Variants in TNRC6B observed in about 807,000 individuals in gnomAD.
The protein encoded by TNRC6B is trinucleotide repeat-containing gene 6B protein.
Under a neutral mutation model 203.6 loss-of-function variants are expected in TNRC6B, and 52 were observed. The observed-to-expected ratio is 0.26, with a 90% CI of 0.20 to 0.32. The LOEUF (loss-of-function observed/expected upper bound fraction) is 0.32. Among genes scored for constraint, TNRC6B ranks in the 10% least tolerant of loss-of-function variants. TNRC6B has a pLI of 1.00. For missense variants in TNRC6B, 1,923 were observed against 2,286.2 expected (o/e 0.84, Z 3.24); for synonymous variants, 838 against 845.7 (o/e 0.99, Z 0.16).
chr22:40,290,017 C>G (rs1020305095), intron 12 of TNRC6B, among the ~76,000 whole-genome samples: 10 of 152,198 alleles, frequency 6.6e-5, no homozygotes, highest in Non-Finnish European at 1.3e-4. Context: ...TTACCACTTT[C>G]AACAGCACAG....
chr22:40,275,276 T>C (rs1231409516), intron 7 of TNRC6B, among the ~76,000 whole-genome samples: 1 of 152,236 alleles, frequency 6.6e-6, no homozygotes, highest in Non-Finnish European at 1.5e-5. Context: ...TAGTGTGATT[T>C]TGGCTTTCTT....
At chr22:40,061,770 C>T (rs909551263) in intron 1 of TNRC6B, among the ~76,000 whole-genome samples, 5 of 151,968 alleles carry the variant, frequency 3.3e-5, no homozygotes, top group Non-Finnish European at 7.4e-5. Context: ...GTATCACTTT[C>T]GTTATAAGAA....
intron 1 of TNRC6B, among the ~76,000 whole-genome samples, chr22:40,103,238 A>G (rs913654838): frequency 6.6e-6 from 1 of 151,538 alleles, no homozygotes; most frequent in African/African-American, 2.4e-5. Context: ...ACTGCACTCC[A>G]GCCTGGGCGA....
At chr22:40,285,553 A>G in intron 11 of TNRC6B, 92 bp from the exon 12 acceptor site, 1 of 1,448,890 alleles carries the variant, frequency 6.9e-7, no homozygotes, top group Admixed American at 2.3e-5. Flanking sequence ...ACAGCCTGTG[A>G]TTCTTCTGAG....
At chr22:40,316,076 T>C in intron 21 of TNRC6B, 64 bp downstream of exon 21, 2 of 1,486,236 alleles carry the variant, frequency 1.3e-6, no homozygotes, top group Admixed American at 3.6e-5. Context: ...AGGGAAAGGT[T>C]GGGCATGGTG....
chr22:40,159,988 A>G (rs988976212), intron 4 of TNRC6B, among the ~76,000 whole-genome samples: 2 of 152,048 alleles, frequency 1.3e-5, no homozygotes, highest in African/African-American at 4.8e-5. Context: ...ATTAAAAAAA[A>G]TTTTTTTTGT....
At chr22:40,200,005 G>A (rs1318244935) in intron 1 of TNRC6B, among the ~76,000 whole-genome samples, 1 of 151,948 alleles carries the variant, frequency 6.6e-6, no homozygotes, top group Non-Finnish European at 1.5e-5. Flanking sequence ...CACCATGTTG[G>A]CCAGGCTGGT....
chr22:40,196,633 TTG>T (rs2069340410), intron 1 of TNRC6B, among the ~76,000 whole-genome samples: 1 of 20,516 alleles, frequency 4.9e-5, no homozygotes, highest in Admixed American at 4.1e-4. Context: ...TATGGAACTC[TTG>T]CTGATGTTTT....
At chr22:40,303,273 A>T (rs374708214) in intron 15 of TNRC6B, among the ~76,000 whole-genome samples, 440 of 151,830 alleles carry the variant, frequency 2.9e-3, no homozygotes, top group African/African-American at 0.01. Context: ...TGATCTGCCC[A>T]CCGTGGCCTC....
At chr22:40,097,509 A>G (rs760677943) in intron 1 of TNRC6B, among the ~76,000 whole-genome samples, 7 of 151,970 alleles carry the variant, frequency 4.6e-5, no homozygotes, top group African/African-American at 1.2e-4. Flanking sequence ...GGGTCTTGCT[A>G]TATTGCCCAG....
At chr22:40,275,914 G>A (rs1195878454) in intron 7 of TNRC6B, among the ~76,000 whole-genome samples, 1 of 151,568 alleles carries the variant, frequency 6.6e-6, no homozygotes, top group East Asian at 1.9e-4. Context: ...AGCCGAGATC[G>A]CGCCATTGCA....
intron 1 of TNRC6B, among the ~76,000 whole-genome samples, chr22:40,097,289 CT>C (rs146026490): frequency 6.7e-6 from 1 of 150,342 alleles, no homozygotes; most frequent in Non-Finnish European, 1.5e-5. Context: ...CAGGTGTGTC[CT>C]TTTTTTTTGT....
At chr22:40,135,165 A>G (rs1181705996) in intron 3 of TNRC6B, among the ~76,000 whole-genome samples, 1 of 152,182 alleles carries the variant, frequency 6.6e-6, no homozygotes, top group African/African-American at 2.4e-5. Context: ...GAGCATTCCA[A>G]CTGTGCAGGA....
intron 3 of TNRC6B, among the ~76,000 whole-genome samples, chr22:40,127,177 G>A (rs2068500982): frequency 6.6e-6 from 1 of 151,758 alleles, no homozygotes; most frequent in African/African-American, 2.4e-5. Flanking sequence ...TTCCCTCTCT[G>A]TCCATTCAGA....
At chr22:40,164,073 A>G (rs2068896097) in intron 4 of TNRC6B, among the ~76,000 whole-genome samples, 1 of 152,110 alleles carries the variant, frequency 6.6e-6, no homozygotes, top group South Asian at 2.1e-4. Flanking sequence ...AGGTGGTGTT[A>G]TTATAAAGCC....
intron 3 of TNRC6B, among the ~76,000 whole-genome samples, chr22:40,148,283 CTTTTTTTTTT>C (rs907310952): frequency 1.6e-5 from 2 of 128,798 alleles, no homozygotes; most frequent in African/African-American, 5.7e-5. Context: ...AAAACAGTTT[CTTTTTTTTTT>C]TTTTTTTTTG....
intron 1 of TNRC6B, among the ~76,000 whole-genome samples, chr22:40,114,049 A>G (rs2091087292): frequency 6.6e-6 from 1 of 152,174 alleles, no homozygotes; most frequent in Non-Finnish European, 1.5e-5. Flanking sequence ...GAAGACTGGA[A>G]TGGAAGGAGA....
chr22:40,178,286 T>C, intron 1 of TNRC6B, 146 bp downstream of exon 1: 3 of 868,272 alleles, frequency 3.5e-6, no homozygotes, highest in Non-Finnish European at 5.2e-6. Context: ...ATCAGACCCG[T>C]GATGTACTTT....
intron 5 of TNRC6B, among the ~76,000 whole-genome samples, chr22:40,267,238 A>G (rs1010551226): frequency 3.3e-5 from 5 of 152,242 alleles, no homozygotes; most frequent in African/African-American, 4.8e-5. Context: ...CTTTCTTGGC[A>G]AAAGGAAAAG....
Sources: allele counts gnomAD v4.1 joint callset (sites outside exome capture counted in the v4.1 genomes callset), GRCh38; gene constraint gnomAD v4.1.1; transcripts MANE v1.5; gene names NCBI Gene and HGNC (gene_info 2026-07-23, HGNC 2026-07-21).